Variants in ADGRB2 observed in about 807,000 individuals in gnomAD.
ADGRB2 encodes the protein adhesion G protein-coupled receptor B2.
A neutral mutation model predicts 178.7 loss-of-function variants in ADGRB2; 47 were observed. The observed-to-expected ratio is 0.26, with a 90% CI of 0.21 to 0.34. The LOEUF (loss-of-function observed/expected upper bound fraction) is 0.34, where lower values mean the gene tolerates loss of function less well. Among genes scored for constraint, ADGRB2 ranks in the 10% least tolerant of loss-of-function variants. The probability of loss-of-function intolerance (pLI) is 1.00; values close to 1 mark genes in which losing one functional copy is unlikely to be tolerated. For synonymous variants in ADGRB2, 870 were observed against 912.4 expected (o/e 0.95, Z 0.84); for missense variants, 1,584 against 2,180.8 (o/e 0.73, Z 5.45).
chr1:31,744,355 C>G lies in ADGRB2; in HGVS notation c.925G>C (p.Asp309His). The G allele has an allele frequency of 6.5e-7, 1 of 1,550,366 alleles. No homozygotes were observed. The highest frequency in any genetic ancestry group is 8.7e-7 in the Non-Finnish European group (1 of 1,146,810). Residue 309 changes from aspartate (D) to histidine (H), a missense_variant and splice_region_variant, in exon 6 of 33, where the codon GAC becomes CAC. Physicochemically the swap from Asp to His is moderately conservative, Grantham distance 81 (BLOSUM62 -1). This residue lies in a region of ADGRB2 where 657 missense variants were observed against 847.6 expected (regional missense o/e 0.78). Transcript: ENST00000373658. The surrounding 1 kb of genome is among the most constrained non-coding windows in gnomAD (Gnocchi z 6.7). ...GGGGACCACTCCTCAGCCGCCGGGT[C>G]GCCTACGAGAGAGGGACAGCGTCGG... ...EPGLYMAQTG[D>H]PAAEEWSPWS...
chr1:31,734,980 C>A (rs1364456208), intron 25 of ADGRB2, among the ~76,000 whole-genome samples: 1 of 152,160 alleles, frequency 6.6e-6, no homozygotes, highest in Non-Finnish European at 1.5e-5. Flanking sequence ...GAACCGGGCA[C>A]CTGTGGGAGG....
chr1:31,758,052 C>T lies in ADGRB2; in HGVS notation c.-190-541G>A, dbSNP rs541210954. Among the ~76,000 whole-genome samples, 6 of 152,242 alleles carry T rather than the reference C, an allele frequency of 3.9e-5. No individual in the cohort carries two copies. In the East Asian group the frequency reaches 1.2e-3, roughly 29 times the overall value. ...GGGCTGTGTCACTGCCCACAGCCTG[C>T]GCAACCTCTACCCAACTGCCCAGAA... On this transcript the variant is annotated intron_variant, in intron 1 of 32. Coordinates refer to ENST00000373658, the MANE Select transcript of ADGRB2 (RefSeq NM_001364857.2). The surrounding 1 kb of genome is among the most constrained non-coding windows in gnomAD (Gnocchi z 4.2).
intron 3 of ADGRB2, 87 bp downstream of exon 3, chr1:31,757,114 T>A (rs1557794578): frequency 1.9e-6 from 3 of 1,597,752 alleles, no homozygotes; most frequent in East Asian, 4.5e-5. Context: ...AAACAGTAGT[T>A]GTTGTTGCCA....
chr1:31,754,467 C>T lies in ADGRB2; in HGVS notation c.838+1532G>A, dbSNP rs1358319347. On this transcript the variant is annotated intron_variant, in intron 4 of 32. Transcript: ENST00000373658. This position sits in a 1 kb window ranked among gnomAD's most constrained non-coding sequence, Gnocchi z 5.7. ...GAAGAGCCATAAGCCTCCTGATATA[C>T]GCCTGGCGTTCTCCGCCGATGTTCA... is the stretch of plus-strand genomic sequence containing the variant. Among the ~76,000 whole-genome samples, 6 of 152,384 alleles carry T rather than the reference C, an allele frequency of 3.9e-5. No homozygotes were observed. Among genetic ancestry groups the T allele is most frequent in the South Asian group, 2.1e-4 (1 of 4,832 alleles).
At position 31,728,340 on chromosome 1, in the gene ADGRB2, C is replaced by A. The variant is rs112544607; in HGVS notation, c.4417-60G>T. ...GGGGCAGCACCATGATCCCCCCTAC[C>A]CAGGGCACTCAGCACCCCAAGCCCC... On this transcript the variant is annotated intron_variant, in intron 30 of 32. Transcript: ENST00000373658. The surrounding 1 kb of genome is among the most constrained non-coding windows in gnomAD (Gnocchi z 6.7). 2 of 1,545,970 alleles carry A rather than the reference C, an allele frequency of 1.3e-6. No homozygotes were observed.
chr1:31,749,596 G>A (rs1486404268), intron 4 of ADGRB2, among the ~76,000 whole-genome samples: 1 of 152,218 alleles, frequency 6.6e-6, no homozygotes, highest in African/African-American at 2.4e-5. Context: ...TGGACTGTCT[G>A]GAGCACAATC....
In ADGRB2 at chr1:31,728,285, G is replaced by A. The variant is rs1645095192; in HGVS notation, c.4417-5C>T. The A allele has an allele frequency of 1.2e-6, 2 of 1,613,388 alleles. No homozygotes were observed. Among genetic ancestry groups the A allele is most frequent in the Non-Finnish European group, 8.5e-7 (1 of 1,179,806 alleles). On this transcript the variant is annotated splice_polypyrimidine_tract_variant and splice_region_variant and intron_variant, in intron 30 of 32. Transcript: ENST00000373658. The surrounding 1 kb of genome is among the most constrained non-coding windows in gnomAD (Gnocchi z 6.7). ...TTTCCGGGTGTGCATCACCTTCTAG[G>A]GGCCACAGGGCATCAGAGGGTCGCT... is the stretch of plus-strand genomic sequence containing the variant.
Position 31,733,538 on chromosome 1 carries a change from G to A in ADGRB2, c.3453-395C>T, listed in dbSNP as rs371588535. On this transcript the variant is annotated intron_variant, in intron 25 of 32. Coordinates refer to ENST00000373658, the MANE Select transcript of ADGRB2 (RefSeq NM_001364857.2). This position sits in a 1 kb window ranked among gnomAD's most constrained non-coding sequence, Gnocchi z 4.3. ...GAGCCTAACTGGGTAGGCTGGGGAG[G>A]GGGACTGGAAGAGGGACAAAGCAAC... 2.0e-5 allele frequency among the ~76,000 whole-genome samples: 3 copies of A among 152,286 alleles called. No individual in the cohort carries two copies. The East Asian group carries it at 5.8e-4, about 29-fold the overall frequency.
Position 31,758,277 on chromosome 1 carries a change from C to T in ADGRB2, c.-190-766G>A, listed in dbSNP as rs1471096154. Among the ~76,000 whole-genome samples, 1 of 152,164 alleles carries T rather than the reference C, an allele frequency of 6.6e-6. No homozygotes were observed. Among genetic ancestry groups the T allele is most frequent in the Non-Finnish European group, 1.5e-5 (1 of 68,022 alleles). Reference sequence around the variant, plus strand: ...CCCGCTCCAGATCACACAAAGGTGGCCACAGAGGACGCAAGCCCAGGATCT... The same window carrying T: ...CCCGCTCCAGATCACACAAAGGTGGTCACAGAGGACGCAAGCCCAGGATCT... On this transcript the variant is annotated intron_variant, in intron 1 of 32. Transcript: ENST00000373658. This position sits in a 1 kb window ranked among gnomAD's most constrained non-coding sequence, Gnocchi z 4.2.
Position 31,737,767 on chromosome 1 carries a change from G to C in ADGRB2, c.2773-12C>G. 6 of 1,612,280 alleles carry C rather than the reference G, an allele frequency of 3.7e-6. No individual in the cohort carries two copies. The highest frequency in any genetic ancestry group is 5.1e-6 in the Non-Finnish European group (6 of 1,179,238). Reference sequence around the variant, plus strand: ...GCCAGCTCCAGGGTCTGGGGAAGATGGGCAGACAGTCAGATGGGTTCCTGG... The same window carrying C: ...GCCAGCTCCAGGGTCTGGGGAAGATCGGCAGACAGTCAGATGGGTTCCTGG... On this transcript the variant is annotated splice_polypyrimidine_tract_variant and intron_variant, in intron 18 of 32. Transcript: ENST00000373658.
chr1:31,741,539 C>G lies in ADGRB2; in HGVS notation c.1688-60G>C, dbSNP rs116572122. 34 of 1,586,776 alleles carry G rather than the reference C, an allele frequency of 2.1e-5. No individual in the cohort carries two copies. In the African/African-American group the frequency reaches 3.1e-4, roughly 14 times the overall value. On this transcript the variant is annotated intron_variant, in intron 10 of 32. Transcript: ENST00000373658. The surrounding 1 kb of genome is among the most constrained non-coding windows in gnomAD (Gnocchi z 6.5). The stretch of plus-strand genomic sequence containing the variant: ...GGCCGAGCTCTCACCCACACTCCTC[C>G]GTATCTCAGAGAGGCTGGGGGCGCA...
intron 1 of ADGRB2, among the ~76,000 whole-genome samples, chr1:31,762,215 G>A (rs1360000227): frequency 1.3e-5 from 2 of 152,072 alleles, no homozygotes; most frequent in East Asian, 3.9e-4. Context: ...AAGGAGGAGA[G>A]AGGGAAGAAG....
At chr1:31,749,628 G>A (rs1215425930) in intron 4 of ADGRB2, among the ~76,000 whole-genome samples, 2 of 152,248 alleles carry the variant, frequency 1.3e-5, no homozygotes, top group African/African-American at 4.8e-5. Context: ...AAAAGGAGAT[G>A]TCAGCTGAAT....
At chr1:31,736,889 C>T (rs1254193794) in intron 20 of ADGRB2, among the ~76,000 whole-genome samples, 166 bp from the exon 21 acceptor site, 3 of 152,274 alleles carry the variant, frequency 2.0e-5, no homozygotes, top group Middle Eastern at 3.4e-3. Flanking sequence ...ACACACAGCA[C>T]GACACGGGCC....
intron 4 of ADGRB2, among the ~76,000 whole-genome samples, chr1:31,749,946 AAAG>A (rs535461203): frequency 6.6e-6 from 1 of 151,694 alleles, no homozygotes; most frequent in Non-Finnish European, 1.5e-5. Flanking sequence ...AGAAAGAAAG[AAAG>A]GAAAGAAAGA....
Position 31,738,832 on chromosome 1 carries a change from A to G in ADGRB2, c.2601T>C (p.Asn867=). Residue 867 remains asparagine (N), a splice_region_variant and synonymous_variant, in exon 16 of 33, where the codon AAT becomes AAC. Transcript: ENST00000373658. ...GGTCTCTGCATGGATCTCCACTCAC[A>G]TTGATGATGTAGGAGAGCTCCACAG... The part of the protein sequence containing the change: ...LITVELSYII[N]GTTDPHCASW... The G allele has an allele frequency of 1.2e-6, 2 of 1,613,906 alleles. No homozygotes were observed. Among genetic ancestry groups the G allele is most frequent in the Non-Finnish European group, 1.7e-6 (2 of 1,179,886 alleles).
Position 31,744,245 on chromosome 1 carries a change from G to A in ADGRB2, c.1035C>T (p.Cys345=), listed in dbSNP as rs1384033198. The A allele has an allele frequency of 6.5e-7, 1 of 1,549,874 alleles. No homozygotes were observed. The highest frequency in any genetic ancestry group is 2.4e-5 in the East Asian group (1 of 40,898). The change falls in exon 6 of 33, where the codon TGC becomes TGT. Residue 345 remains cysteine (C), a synonymous_variant. Coordinates refer to ENST00000373658, the MANE Select transcript of ADGRB2 (RefSeq NM_001364857.2). This position sits in a 1 kb window ranked among gnomAD's most constrained non-coding sequence, Gnocchi z 6.7. ...SCVSSPYGTL[C]SGPLRETRPC... ...GCCTGGTCTCCCGCAGGGGCCCGCT[G>A]CACAGGGTCCCATAGGGGGAGGACA... is the stretch of plus-strand genomic sequence containing the variant.
At position 31,764,116 on chromosome 1, in the gene ADGRB2, C is replaced by A; in HGVS notation, c.-423G>T. ...GCCGGGCGCGGGCTCCTGCCGCCGC[C>A]GCCGCCGCCGCCTCCTTGCCGCGCC... On this transcript the variant is annotated 5_prime_UTR_variant, in exon 1 of 33. Transcript: ENST00000373658. This position sits in a 1 kb window ranked among gnomAD's most constrained non-coding sequence, Gnocchi z 7.3. The A allele has an allele frequency of 1.1e-6, 1 of 913,152 alleles. No individual in the cohort carries two copies. The highest frequency in any genetic ancestry group is 4.9e-5 in the South Asian group (1 of 20,496). 56.6% of individuals were successfully genotyped at this position (913,152 alleles called of 1,614,324 possible).
chr1:31,750,133 G>A (rs984129204), intron 4 of ADGRB2, among the ~76,000 whole-genome samples: 2 of 152,086 alleles, frequency 1.3e-5, no homozygotes, highest in African/African-American at 4.8e-5. Context: ...CATGTCAGTT[G>A]CCACCTCCTC....
Sources: allele counts gnomAD v4.1 joint callset (sites outside exome capture counted in the v4.1 genomes callset), GRCh38; gene constraint gnomAD v4.1.1; regional missense constraint gnomAD v4.1.1; non-coding constraint Gnocchi (gnomAD v3.1); transcripts MANE v1.5; gene names NCBI Gene and HGNC (gene_info 2026-07-23, HGNC 2026-07-21).